ZNF433: variants seen among roughly 807,000 people sequenced by gnomAD.
The protein encoded by ZNF433 is zinc finger protein 433.
In ZNF433, 12 loss-of-function variants were observed where a neutral mutation model predicts 10.6. The observed-to-expected ratio is 1.13, with a 90% CI of 0.72 to 1.83. ZNF433 has a LOEUF of 1.83. Ranked by LOEUF, ZNF433 falls within the 40% of genes most tolerant of loss-of-function variation. The probability of loss-of-function intolerance (pLI) is 0.00; values close to 1 mark genes in which losing one functional copy is unlikely to be tolerated. For missense variants in ZNF433, 737 were observed against 798.0 expected (o/e 0.92, Z 0.92); for synonymous variants, 272 against 271.3 (o/e 1.00, Z -0.02).
intron 1 of ZNF433, among the ~76,000 whole-genome samples, chr19:12,033,679 A>G (rs1259003109): frequency 1.3e-5 from 2 of 150,254 alleles, no homozygotes; most frequent in Admixed American, 6.7e-5. Context: ...AAAATTAGCC[A>G]GGCGTGGTGA....
At chr19:12,030,156 C>G in intron 1 of ZNF433, 1 of 446,412 alleles carries the variant, frequency 2.2e-6, no homozygotes, top group Non-Finnish European at 4.5e-6. Flanking sequence ...CCAGATCTGT[C>G]AGCACCTTGA....
At chr19:12,016,755 T>C (rs1381037690) in intron 3 of ZNF433, 89 bp from the exon 4 acceptor site, 5 of 1,473,606 alleles carry the variant, frequency 3.4e-6, no homozygotes, top group African/African-American at 1.4e-5. Context: ...TTTTTTCTCT[T>C]TTTTTTGAGA....
chr19:12,021,533 A>G (rs1974494054), intron 1 of ZNF433, among the ~76,000 whole-genome samples: 2 of 152,182 alleles, frequency 1.3e-5, no homozygotes, highest in African/African-American at 4.8e-5. Context: ...AATATAGGAG[A>G]GAGATTAAAC....
At chr19:12,033,416 G>A (rs1054015087) in intron 1 of ZNF433, among the ~76,000 whole-genome samples, 1 of 152,186 alleles carries the variant, frequency 6.6e-6, no homozygotes, top group Non-Finnish European at 1.5e-5. Context: ...TCATTTACGA[G>A]GCTGAGGCAG....
chr19:12,029,337 C>T (rs1974889448), intron 1 of ZNF433, among the ~76,000 whole-genome samples: 1 of 151,660 alleles, frequency 6.6e-6, no homozygotes, highest in Non-Finnish European at 1.5e-5. Context: ...GCCTAGCCAA[C>T]ATGGTGAAAC....
chr19:12,021,195 C>A (rs1974478402), intron 1 of ZNF433, among the ~76,000 whole-genome samples: 1 of 151,962 alleles, frequency 6.6e-6, no homozygotes, highest in Non-Finnish European at 1.5e-5. Context: ...GTTGGCCAAG[C>A]TGGTCTCAAA....
chr19:12,019,135 T>C (rs1199273364), intron 1 of ZNF433, among the ~76,000 whole-genome samples: 1 of 151,814 alleles, frequency 6.6e-6, no homozygotes, highest in Non-Finnish European at 1.5e-5. Flanking sequence ...TTAAAAACTT[T>C]TGTGGCCAGG....
Position 12,016,366 on chromosome 19 carries a change from C to G in ZNF433, c.492G>C (p.Arg164Ser), listed in dbSNP as rs1974198549. The change falls in exon 4 of 4, where the codon AGG (arginine) becomes AGC (serine). Residue 164 changes from arginine to serine, a missense_variant. Arg to Ser is a moderately radical substitution (Grantham distance 110). Transcript: ENST00000550507. The stretch of plus-strand genomic sequence containing the variant: ...CGCATTCCTCACAAACATAGAGTTT[C>G]CTTCCACTATGAGCCCTTTCATGTG... ...VQTHERAHSG[R>S]KLYVCEECGK... The G allele has an allele frequency of 3.7e-6, 6 of 1,614,162 alleles. No individual in the cohort carries two copies. The highest frequency in any genetic ancestry group is 1.6e-4 in the Middle Eastern group (1 of 6,062).
chr19:12,014,886 G>T lies in ZNF433; in HGVS notation c.1972C>A (p.Leu658Ile). 3 of 1,609,550 alleles carry T rather than the reference G, an allele frequency of 1.9e-6. No homozygotes were observed. Among genetic ancestry groups the T allele is most frequent in the Non-Finnish European group, 2.5e-6 (3 of 1,177,390 alleles). Residue 658 changes from leucine (L) to isoleucine (I), a missense_variant, in exon 4 of 4, where the codon CTT (leucine) becomes ATT (isoleucine). Transcript: ENST00000550507. ...CAGTGAGCCCTTCCATGCACTTGAA[G>T]TTGTGAAGAACATCTAAAGACTTTA... The part of the protein sequence containing the change: ...CGKVFRCSSQ[L>I]QVHGRAHCID...
intron 1 of ZNF433, chr19:12,030,136 T>C: frequency 2.3e-6 from 1 of 426,728 alleles, no homozygotes; most frequent in South Asian, 1.7e-5. Flanking sequence ...AAGCAGGCTC[T>C]TACCAGGCAC....
Position 12,015,046 on chromosome 19 carries a change from C to G in ZNF433, c.1812G>C (p.Met604Ile). 6.2e-7 allele frequency: 1 copy of G among 1,610,094 alleles called. No individual in the cohort carries two copies. The highest frequency in any genetic ancestry group is 8.5e-7 in the Non-Finnish European group (1 of 1,178,490). The change falls in exon 4 of 4, where the codon ATG becomes ATC. Residue 604 changes from methionine (M) to isoleucine (I), a missense_variant. Met to Ile is a conservative substitution (Grantham distance 10, BLOSUM62 1). Transcript: ENST00000550507. ...KSFGCASRLQ[M>I]HGRTHTGEKP... ...TCTCTCCAGTGTGAGTCCTTCCATG[C>G]ATTTGAAGTCGCGAGGCACATCCAA...
At chr19:12,020,364 A>G (rs909949520) in intron 1 of ZNF433, among the ~76,000 whole-genome samples, 1 of 152,238 alleles carries the variant, frequency 6.6e-6, no homozygotes, top group Non-Finnish European at 1.5e-5. Flanking sequence ...GGTGCTCAAC[A>G]TCAGGAGTCA....
chr19:12,023,549 C>T (rs1974597805), intron 1 of ZNF433: 1 of 152,124 alleles, frequency 6.6e-6, no homozygotes, highest in African/African-American at 2.4e-5. Flanking sequence ...GATAAATGTC[C>T]TACCTGTGAA....
Position 12,017,886 on chromosome 19 carries a change from T to G in ZNF433, c.181A>C (p.Arg61=). 6.3e-7 allele frequency: 1 copy of G among 1,590,662 alleles called. No individual in the cohort carries two copies. Among genetic ancestry groups the G allele is most frequent in the Non-Finnish European group, 8.5e-7 (1 of 1,172,098 alleles). Residue 61 remains arginine, a synonymous_variant, in exon 3 of 4, where the codon AGA becomes CGA. Coordinates refer to ENST00000550507, the MANE Select transcript of ZNF433 (RefSeq NM_001308348.2). ...NIYVEYENLR[R]NLRIVGERLF... ...GTGAGTGCAAGTTACCTTAGGTTTC[T>G]CCTTAGATTTTCGTACTCTACATAT...
At chr19:12,027,049 C>T (rs576300588) in intron 1 of ZNF433, 2 of 448,334 alleles carry the variant, frequency 4.5e-6, no homozygotes, top group East Asian at 7.0e-5. Context: ...TAGAAGGACA[C>T]TCTAGAAACT....
chr19:12,021,901 C>T (rs758566727), intron 1 of ZNF433: 1 of 453,778 alleles, frequency 2.2e-6, no homozygotes, highest in South Asian at 1.6e-5. Context: ...TGCACTATTT[C>T]CCAGACAGGG....
intron 1 of ZNF433, among the ~76,000 whole-genome samples, chr19:12,033,691 G>C (rs547603301): frequency 1.3e-5 from 2 of 149,668 alleles, no homozygotes; most frequent in Non-Finnish European, 3.0e-5. Context: ...GCGTGGTGAC[G>C]GGCTCCTGTA....
Position 12,022,689 on chromosome 19 carries a change from T to C in ZNF433, c.4-4397A>G, listed in dbSNP as rs530819727. Among the ~76,000 whole-genome samples the C allele has an allele frequency of 2.0e-3, 303 of 152,208 alleles. 2 individuals are homozygous for C. The highest frequency in any genetic ancestry group is 6.8e-3 in the African/African-American group (282 of 41,524). On this transcript the variant is annotated intron_variant, in intron 1 of 3. Transcript: ENST00000550507. ...CAAGTGTGGGCTCTGGTTCCTTCCA[T>C]CTTGTAACCTTTTCACACTGATGAG...
intron 1 of ZNF433, chr19:12,034,576 G>GC (rs1975187527): frequency 3.2e-6 from 1 of 313,072 alleles, no homozygotes; most frequent in African/African-American, 2.2e-5. Flanking sequence ...AAGACCTAAG[G>GC]CCATGCAAGG....
Sources: gnomAD v4.1 joint callset for allele counts (sites outside exome capture counted in the v4.1 genomes callset) on GRCh38, gnomAD v4.1.1 for gene constraint, MANE v1.5 for transcripts, NCBI Gene and HGNC (gene_info 2026-07-23, HGNC 2026-07-21) for gene names.